Variants in KDELR1 observed in about 807,000 individuals in gnomAD.
KDELR1 encodes ER lumen protein-retaining receptor 1.
A neutral mutation model predicts 25.5 loss-of-function variants in KDELR1; 16 were observed. The observed-to-expected ratio is 0.63, with a 90% CI of 0.43 to 0.95. The LOEUF is 0.95. Among genes scored for constraint, KDELR1 ranks in the 40% least tolerant of loss-of-function variants. The pLI, the probability that KDELR1 is intolerant of heterozygous loss-of-function variation, is 0.00. For missense variants in KDELR1, 159 were observed against 265.2 expected, an observed-to-expected ratio of 0.60 and a Z score of 2.78; for synonymous variants, 121 against 115.0, an observed-to-expected ratio of 1.05 and a Z score of -0.33.
At position 48,391,304 on chromosome 19, in the gene KDELR1, G is replaced by A. The variant is rs371719955; in HGVS notation, c.55C>T (p.Leu19=). The change falls in exon 1 of 5, where the codon CTA becomes TTA. Residue 19 remains leucine (L), a synonymous_variant. Coordinates refer to ENST00000330720, the MANE Select transcript of KDELR1 (RefSeq NM_006801.3). The part of the protein sequence containing the change: ...DLSHLLAIIL[L]LLKIWKSRSC... ...CGGGACTTCCAGATTTTGAGCAGTAGCAAGATGATGGCGAGGAGGTGGGAG... is the reference window on the plus strand; with the variant it reads ...CGGGACTTCCAGATTTTGAGCAGTAACAAGATGATGGCGAGGAGGTGGGAG... 38 of 1,559,428 alleles carry A rather than the reference G, an allele frequency of 2.4e-5. 1 individual carries two copies. In the African/African-American group the frequency reaches 3.1e-4, roughly 13 times the overall value.
rs779165699 is a variant in KDELR1, at chr19:48,389,532, GA to G, written c.351+20del. ...TGCCACAACCATCCCCCCAAATAAG[GA>G]GTCACAGCAAGGCGCCTACCTCCAG... On this transcript the variant is annotated intron_variant, in intron 3 of 4. Transcript: ENST00000330720. 1 of 1,613,578 alleles carries G rather than the reference GA, an allele frequency of 6.2e-7. No homozygotes were observed. Among genetic ancestry groups the G allele is most frequent in the South Asian group, 1.1e-5 (1 of 91,062 alleles).
Position 48,383,294 on chromosome 19 carries a change from T to A in KDELR1, c.638A>T (p.Ter213LeuextTer29). ...LKGKKLSLPA[*>L] ...GGAGAGAGATGGAGAGGACCGGGGC[T>A]ATGCCGGCAAACTCAACTTCTTCCC... The change falls in exon 5 of 5, where the codon TAG becomes TTG. Residue 213 changes from the stop codon to leucine, a stop_lost. Coordinates refer to ENST00000330720, the MANE Select transcript of KDELR1 (RefSeq NM_006801.3). 1 of 1,552,142 alleles carries A rather than the reference T, an allele frequency of 6.4e-7. No individual in the cohort carries two copies. Among genetic ancestry groups the A allele is most frequent in the Non-Finnish European group, 8.7e-7 (1 of 1,147,214 alleles).
At chr19:48,396,004 A>G (rs1390621401), upstream of KDELR1, among the ~76,000 whole-genome samples, 5 of 151,736 alleles carry the variant, frequency 3.3e-5, no homozygotes, top group African/African-American at 9.7e-5. Flanking sequence ...GGGCTGCCAG[A>G]AGGACTCCTG....
intron 2 of KDELR1, 90 bp from the exon 3 acceptor site, chr19:48,389,801 C>A: frequency 7.0e-7 from 1 of 1,425,432 alleles, no homozygotes; most frequent in Admixed American, 1.8e-5. Context: ...CTCCCTCAGA[C>A]GCAGGAGTCC....
the KDELR1 span, among the ~76,000 whole-genome samples, chr19:48,396,788 T>G: frequency 6.6e-6 from 1 of 151,918 alleles, no homozygotes; most frequent in Non-Finnish European, 1.5e-5. Context: ...GCCCTGGCTG[T>G]CTGTGGGGTG....
upstream of KDELR1, among the ~76,000 whole-genome samples, chr19:48,393,415 G>C (rs1485219639): frequency 6.6e-6 from 1 of 152,172 alleles, no homozygotes; most frequent in Non-Finnish European, 1.5e-5. The surrounding 1 kb of genome is among the most constrained non-coding windows in gnomAD (Gnocchi z 5.6). Context: ...CCCAGCCCTG[G>C]AGTCTAGCTC....
upstream of KDELR1, among the ~76,000 whole-genome samples, chr19:48,395,699 A>G (rs943607590): frequency 2.6e-5 from 4 of 151,906 alleles, no homozygotes; most frequent in African/African-American, 9.7e-5. Context: ...TGCTATGTAC[A>G]GGATCTAAGT....
At chr19:48,396,702 C>T in the KDELR1 span, among the ~76,000 whole-genome samples, 1 of 151,926 alleles carries the variant, frequency 6.6e-6, no homozygotes, top group Non-Finnish European at 1.5e-5. Context: ...CCCGAGATCT[C>T]TGGGAAGGTG....
At chr19:48,386,095 A>C (rs2147420258) in intron 3 of KDELR1, among the ~76,000 whole-genome samples, 2 of 150,806 alleles carry the variant, frequency 1.3e-5, no homozygotes, top group African/African-American at 4.9e-5. Context: ...TTAAAGAGAG[A>C]CAGAAGGTCT....
At chr19:48,395,529 C>T (rs10424366), upstream of KDELR1, among the ~76,000 whole-genome samples, 9,030 of 151,820 alleles carry the variant, frequency 0.059, 559 homozygotes, top group African/African-American at 0.16. Flanking sequence ...GGGGAGGAAA[C>T]GGGATGCCGT....
chr19:48,396,176 G>A (rs964904563), upstream of KDELR1, among the ~76,000 whole-genome samples: 3 of 152,114 alleles, frequency 2.0e-5, no homozygotes, highest in Admixed American at 6.5e-5. Context: ...TAGAGATGGA[G>A]GCGGGGGGAG....
chr19:48,385,247 C>A (rs535623191), intron 3 of KDELR1, among the ~76,000 whole-genome samples: 2 of 152,184 alleles, frequency 1.3e-5, no homozygotes, highest in African/African-American at 4.8e-5. Context: ...AAGCTCTTCC[C>A]CTACACTGTC....
In KDELR1 at chr19:48,383,158, C is replaced by A; in HGVS notation, c.*135G>T. The stretch of plus-strand genomic sequence containing the variant: ...GGATCCTCCACTGTCCCCCTGAAAC[C>A]CGGCAGGAGGCGGGATGGGGAGCAC... On this transcript the variant is annotated 3_prime_UTR_variant, in exon 5 of 5. Coordinates refer to ENST00000330720, the MANE Select transcript of KDELR1 (RefSeq NM_006801.3). The A allele has an allele frequency of 1.1e-6, 1 of 915,466 alleles. No homozygotes were observed. The highest frequency in any genetic ancestry group is 1.7e-6 in the Non-Finnish European group (1 of 585,378). 56.7% of individuals were successfully genotyped at this position (915,466 alleles called of 1,614,324 possible). A position where few individuals can be genotyped will look rare whatever the true frequency, so the allele number is the denominator to read the frequency against.
chr19:48,391,579 C>A, upstream of KDELR1: 3 of 549,720 alleles, frequency 5.5e-6, no homozygotes, highest in Non-Finnish European at 9.8e-6. Context: ...GGGGAGGAGT[C>A]CGGGAGGAGA....
intron 3 of KDELR1, among the ~76,000 whole-genome samples, chr19:48,388,476 A>T (rs1175786459): frequency 1.3e-5 from 2 of 152,140 alleles, no homozygotes; most frequent in Non-Finnish European, 2.9e-5. Flanking sequence ...ACCTGAGGTC[A>T]GGAATTCGAG....
chr19:48,389,361 C>T, intron 3 of KDELR1, 192 bp downstream of exon 3: 1 of 622,286 alleles, frequency 1.6e-6, no homozygotes, highest in South Asian at 1.9e-5. Context: ...AGGGTAGTGA[C>T]TGACACATAG....
In KDELR1 at chr19:48,382,979, T is replaced by G; in HGVS notation, c.*314A>C. The G allele has an allele frequency of 2.5e-6, 1 of 393,760 alleles. No homozygotes were observed. Among genetic ancestry groups the G allele is most frequent in the Non-Finnish European group, 4.7e-6 (1 of 214,330 alleles). The allele number at this position is 393,760 out of a possible 1,614,324, so 24.4% of individuals were successfully genotyped here. ...AGATCTTGGACCCTGCCCCGGCCCA[T>G]AGGACACTCAAAAACACTTTATAAA... On this transcript the variant is annotated 3_prime_UTR_variant, in exon 5 of 5. Transcript: ENST00000330720.
chr19:48,391,286 T>C lies in KDELR1; in HGVS notation c.73A>G (p.Lys25Glu). 6.4e-7 allele frequency: 1 copy of C among 1,556,986 alleles called. No individual in the cohort carries two copies. Among genetic ancestry groups the C allele is most frequent in the South Asian group, 1.2e-5 (1 of 84,382 alleles). The stretch of plus-strand genomic sequence containing the variant: ...CTCTCACCGGCGCACGAGCGGGACT[T>C]CCAGATTTTGAGCAGTAGCAAGATG... ...AIILLLLKIW[K>E]SRSCAGISGK... The change falls in exon 1 of 5, where the codon AAG becomes GAG. Residue 25 changes from lysine (K) to glutamate (E), a missense_variant. Lys to Glu is a moderately conservative substitution (Grantham distance 56, BLOSUM62 1). Transcript: ENST00000330720.
intron 2 of KDELR1, 67 bp from the exon 3 acceptor site, chr19:48,389,778 G>A (rs574160098): frequency 3.4e-5 from 54 of 1,566,026 alleles, no homozygotes; most frequent in Admixed American, 1.5e-4. Context: ...CTCAGAGCCC[G>A]GAGTCCAGGC....
Sources: gnomAD v4.1 joint callset for allele counts (sites outside exome capture counted in the v4.1 genomes callset) on GRCh38, gnomAD v4.1.1 for gene constraint, Gnocchi (gnomAD v3.1) non-coding constraint, MANE v1.5 for transcripts, NCBI Gene and HGNC (gene_info 2026-07-23, HGNC 2026-07-21) for gene names.